The following COBL variants were observed in gnomAD, a reference collection of about 807,000 sequenced individuals.
COBL encodes cordon-bleu WH2 repeat protein, also known as protein cordon-bleu.
Under a neutral mutation model 98.8 loss-of-function variants are expected in COBL, and 51 were observed. The observed-to-expected ratio is 0.52, with a 90% CI of 0.41 to 0.65. The LOEUF is 0.65. Ranked by LOEUF, COBL falls within the 30% of genes least tolerant of loss-of-function variation. The pLI, the probability that COBL is intolerant of heterozygous loss-of-function variation, is 0.00. For missense variants in COBL, 1,617 were observed against 1,617.5 expected, an observed-to-expected ratio of 1.00 and a Z score of 0.01; for synonymous variants, 634 against 651.7, an observed-to-expected ratio of 0.97 and a Z score of 0.41.
chr7:51,058,916 A>G (rs936311740), intron 7 of COBL, among the ~76,000 whole-genome samples: 1 of 152,218 alleles, frequency 6.6e-6, no homozygotes, highest in Non-Finnish European at 1.5e-5. Context: ...CTGTCTGTGC[A>G]GATTACACCT....
At chr7:51,293,493 T>A (rs1327246166) in intron 1 of COBL, among the ~76,000 whole-genome samples, 1 of 151,978 alleles carries the variant, frequency 6.6e-6, no homozygotes, top group Non-Finnish European at 1.5e-5. Context: ...GCCACCTACA[T>A]AAATAAAACA....
At chr7:51,284,923 T>C (rs186517966) in intron 1 of COBL, among the ~76,000 whole-genome samples, 30 of 151,056 alleles carry the variant, frequency 2.0e-4, no homozygotes, top group African/African-American at 6.8e-4. Context: ...AAGGTAAGAG[T>C]GTGTATTCTC....
chr7:51,190,720 T>C, intron 4 of COBL, 130 bp downstream of exon 4: 1 of 708,062 alleles, frequency 1.4e-6, no homozygotes, highest in Non-Finnish European at 2.4e-6. Context: ...CAACTTGACT[T>C]GCCTGGAACT....
chr7:51,099,599 GATGA>G (rs1472097197), intron 6 of COBL, among the ~76,000 whole-genome samples: 6 of 152,140 alleles, frequency 3.9e-5, no homozygotes, highest in African/African-American at 1.4e-4. Context: ...AGGGGGAAAA[GATGA>G]ATTATTTTTC....
At chr7:51,188,031 C>A in intron 4 of COBL, 1 of 1,155,060 alleles carries the variant, frequency 8.7e-7, no homozygotes, top group Non-Finnish European at 1.1e-6. Flanking sequence ...CAGGCCTTGG[C>A]CCTCACAAGC....
intron 7 of COBL, among the ~76,000 whole-genome samples, chr7:51,056,039 A>T (rs1264232412): frequency 2.0e-5 from 3 of 152,204 alleles, no homozygotes; most frequent in Admixed American, 2.0e-4. Flanking sequence ...TGCCCTCAAC[A>T]AAGTTACAAA....
intron 7 of COBL, among the ~76,000 whole-genome samples, chr7:51,050,934 T>C (rs1355388083): frequency 6.6e-6 from 1 of 152,242 alleles, no homozygotes; most frequent in Non-Finnish European, 1.5e-5. Flanking sequence ...TGTAACATTA[T>C]GGTATTTCTA....
intron 1 of COBL, among the ~76,000 whole-genome samples, chr7:51,300,956 C>T (rs375865344): frequency 1.3e-5 from 2 of 152,128 alleles, no homozygotes; most frequent in Admixed American, 6.5e-5. Context: ...GCTGTGTGAC[C>T]GCGGGGTCCA....
chr7:51,171,295 G>T (rs1049126959), intron 5 of COBL, among the ~76,000 whole-genome samples: 3 of 152,070 alleles, frequency 2.0e-5, no homozygotes, highest in African/African-American at 7.2e-5. Context: ...ATCTAATCAG[G>T]TATCATTCAA....
At chr7:51,269,436 G>A (rs979785988) in intron 1 of COBL, among the ~76,000 whole-genome samples, 1 of 152,162 alleles carries the variant, frequency 6.6e-6, no homozygotes, top group Non-Finnish European at 1.5e-5. Flanking sequence ...AGTGGCACAG[G>A]GTCCAGACGC....
intron 5 of COBL, among the ~76,000 whole-genome samples, chr7:51,141,428 G>A (rs1479477647): frequency 6.6e-6 from 1 of 152,104 alleles, no homozygotes; most frequent in African/African-American, 2.4e-5. Context: ...GAAAAACTGA[G>A]GCCCAGACAG....
At chr7:51,211,888 C>CCT (rs1252691891) in intron 2 of COBL, among the ~76,000 whole-genome samples, 2 of 151,744 alleles carry the variant, frequency 1.3e-5, no homozygotes, top group African/African-American at 2.4e-5. Context: ...CTCTGCCTCT[C>CCT]CTCTCTCTCT....
chr7:51,120,247 G>A (rs1044966005), intron 6 of COBL, among the ~76,000 whole-genome samples: 9 of 151,986 alleles, frequency 5.9e-5, no homozygotes, highest in Non-Finnish European at 1.2e-4. Context: ...TGGAGAGGGA[G>A]GGTAAATGGC....
At chr7:51,260,071 GC>G in intron 1 of COBL, 1 of 1,213,568 alleles carries the variant, frequency 8.2e-7, no homozygotes, top group Non-Finnish European at 1.2e-6. Context: ...AAAAGTGTCT[GC>G]TTTGCCTGGG....
Position 51,052,370 on chromosome 7 carries a change from CT to C in COBL, c.1097-8679del, listed in dbSNP as rs566941757. Among the ~76,000 whole-genome samples the C allele has an allele frequency of 1.1e-4, 17 of 152,312 alleles. No individual in the cohort carries two copies. In the South Asian group the frequency reaches 3.5e-3, roughly 32 times the overall value. On this transcript the variant is annotated intron_variant, in intron 7 of 12. Transcript: ENST00000265136. ...CCTACTGAGTATATCTGCATTTAGACTTTTCTAAGCCAAAAGATTTTCTTCC... is the reference window on the plus strand; with the variant it reads ...CCTACTGAGTATATCTGCATTTAGACTTTCTAAGCCAAAAGATTTTCTTCC...
chr7:51,134,122 T>C (rs991776917), intron 6 of COBL, among the ~76,000 whole-genome samples: 3 of 152,232 alleles, frequency 2.0e-5, no homozygotes, highest in Admixed American at 1.3e-4. Flanking sequence ...AGGAAGTTCA[T>C]GAAGAAGGAA....
chr7:51,029,173 G>T lies in COBL; in HGVS notation c.1923C>A (p.Asp641Glu). ...TGTCTTTCACTTTTGCATTTAGGTT[G>T]TCTGTGTGAAGATTCGAAGCAAAAG... ...VTSFASNLHT[D>E]NLNAKVKDKV... The change falls in exon 10 of 13, where the codon GAC (aspartate) becomes GAA (glutamate). Residue 641 changes from aspartate to glutamate, a missense_variant. This residue lies in a region of COBL where 1,304 missense variants were observed against 1,282.0 expected (regional missense o/e 1.02). Transcript: ENST00000265136. 6.2e-7 allele frequency: 1 copy of T among 1,614,174 alleles called. No individual in the cohort carries two copies. Among genetic ancestry groups the T allele is most frequent in the Non-Finnish European group, 8.5e-7 (1 of 1,180,030 alleles).
intron 5 of COBL, among the ~76,000 whole-genome samples, chr7:51,162,019 GT>G (rs1190301999): frequency 2.6e-5 from 4 of 152,198 alleles, no homozygotes; most frequent in African/African-American, 9.6e-5. Flanking sequence ...CGTTAGCACA[GT>G]TTATCACTGC....
intron 5 of COBL, among the ~76,000 whole-genome samples, chr7:51,156,903 G>A (rs1047174426): frequency 1.3e-5 from 2 of 152,116 alleles, no homozygotes; most frequent in African/African-American, 4.8e-5. Flanking sequence ...CTCAGAGAGG[G>A]AGCCACACAG....
Sources: gnomAD v4.1 joint callset for allele counts (sites outside exome capture counted in the v4.1 genomes callset) on GRCh38, gnomAD v4.1.1 for gene constraint, gnomAD v4.1.1 regional missense constraint, MANE v1.5 for transcripts, NCBI Gene and HGNC (gene_info 2026-07-23, HGNC 2026-07-21) for gene names.